RAB3IL1: variants seen among roughly 807,000 people sequenced by gnomAD.
The protein encoded by RAB3IL1 is guanine nucleotide exchange factor for Rab-3A.
A neutral mutation model predicts 49.2 loss-of-function variants in RAB3IL1; 37 were observed. The ratio of observed to expected loss-of-function variants is 0.75; its 90% confidence interval spans 0.58 to 0.99. RAB3IL1 has a LOEUF of 0.99. RAB3IL1 is among the 50% of genes least tolerant of loss of function. The probability of loss-of-function intolerance (pLI) is 0.00; values close to 1 mark genes in which losing one functional copy is unlikely to be tolerated. For missense variants in RAB3IL1, 484 were observed against 513.0 expected, an observed-to-expected ratio of 0.94 and a Z score of 0.55; for synonymous variants, 193 against 213.9, an observed-to-expected ratio of 0.90 and a Z score of 0.85.
chr11:61,940,031 C>T, the RAB3IL1 span, among the ~76,000 whole-genome samples: 1 of 151,412 alleles, frequency 6.6e-6, no homozygotes, highest in African/African-American at 2.4e-5. Context: ...GTAGTCCTAG[C>T]TACTGGGGAG....
chr11:61,917,329 G>GCGGGACCGCGAGCGCGCGCGGA (rs1939740146), intron 1 of RAB3IL1, 28 bp downstream of exon 1: 1 of 1,320,336 alleles, frequency 7.6e-7, no homozygotes, highest in Non-Finnish European at 9.7e-7. Context: ...CAGACCCAGC[G>GCGGGACCGCGAGCGCGCGCGGA]CGGGACCGCG....
At chr11:61,941,363 G>A in the RAB3IL1 span, among the ~76,000 whole-genome samples, 1 of 152,168 alleles carries the variant, frequency 6.6e-6, no homozygotes, top group Admixed American at 6.5e-5. Flanking sequence ...TCCACAAACT[G>A]TTCCAAAAAA....
intron 1 of RAB3IL1, among the ~76,000 whole-genome samples, chr11:61,914,012 C>G (rs2134350551): frequency 6.6e-6 from 1 of 152,304 alleles, no homozygotes; most frequent in South Asian, 2.1e-4. Context: ...CGGAGGGCTT[C>G]CAGGGAGCAG....
At chr11:61,922,886 C>A (rs1939937713), upstream of RAB3IL1, among the ~76,000 whole-genome samples, 1 of 152,216 alleles carries the variant, frequency 6.6e-6, no homozygotes, top group Non-Finnish European at 1.5e-5. Flanking sequence ...TCTCCTGTGC[C>A]CCCACCTTCC....
At chr11:61,942,704 T>C in the RAB3IL1 span, among the ~76,000 whole-genome samples, 1 of 152,152 alleles carries the variant, frequency 6.6e-6, no homozygotes, top group African/African-American at 2.4e-5. Context: ...TTTCCATACA[T>C]TAGCAATAAA....
chr11:61,944,334 T>C, the RAB3IL1 span, among the ~76,000 whole-genome samples: 1 of 151,532 alleles, frequency 6.6e-6, no homozygotes, highest in South Asian at 2.1e-4. Context: ...TGAGCTGGTG[T>C]GATCATAGCT....
At chr11:61,902,080 C>T (rs925977851) in intron 8 of RAB3IL1, among the ~76,000 whole-genome samples, 3 of 151,830 alleles carry the variant, frequency 2.0e-5, no homozygotes, top group East Asian at 1.9e-4. Context: ...TTTGGGAGGC[C>T]GAGGCAGGCA....
intron 5 of RAB3IL1, among the ~76,000 whole-genome samples, chr11:61,905,408 G>A (rs1939133281): frequency 6.6e-6 from 1 of 152,176 alleles, no homozygotes; most frequent in Non-Finnish European, 1.5e-5. Context: ...GGGAAAAGGA[G>A]GGAGAGGGAG....
chr11:61,910,001 C>T (rs890725074), intron 1 of RAB3IL1, among the ~76,000 whole-genome samples: 1 of 152,180 alleles, frequency 6.6e-6, no homozygotes, highest in Non-Finnish European at 1.5e-5. Context: ...GCCTGGGTGA[C>T]AGAGCGAAAC....
chr11:61,924,958 G>A (rs931723186), upstream of RAB3IL1, among the ~76,000 whole-genome samples: 1 of 152,206 alleles, frequency 6.6e-6, no homozygotes, highest in African/African-American at 2.4e-5. Context: ...AAACCTTCGG[G>A]GGGAAAACAT....
the RAB3IL1 span, among the ~76,000 whole-genome samples, chr11:61,934,959 A>C: frequency 6.6e-6 from 1 of 152,122 alleles, no homozygotes; most frequent in Non-Finnish European, 1.5e-5. Context: ...AAAACAAAAA[A>C]ATCCCAACAA....
intron 1 of RAB3IL1, among the ~76,000 whole-genome samples, chr11:61,911,265 TG>T (rs1565365317): frequency 6.6e-6 from 1 of 152,146 alleles, no homozygotes; most frequent in East Asian, 1.9e-4. Flanking sequence ...ATGGGAACAG[TG>T]GGACCACCCA....
the RAB3IL1 span, among the ~76,000 whole-genome samples, chr11:61,942,339 C>A: frequency 6.6e-6 from 1 of 152,222 alleles, no homozygotes; most frequent in African/African-American, 2.4e-5. Context: ...GCAGGGTCCT[C>A]TGCCTAGGAA....
At chr11:61,911,557 G>A (rs1485285495) in intron 1 of RAB3IL1, among the ~76,000 whole-genome samples, 1 of 152,186 alleles carries the variant, frequency 6.6e-6, no homozygotes, top group Non-Finnish European at 1.5e-5. Flanking sequence ...CAGTCGTGGG[G>A]CAAGCAGGGA....
chr11:61,931,913 T>C, the RAB3IL1 span, among the ~76,000 whole-genome samples: 1 of 151,954 alleles, frequency 6.6e-6, no homozygotes, highest in African/African-American at 2.4e-5. Context: ...AAGTAGAGAA[T>C]CAATTTAGAA....
At chr11:61,909,844 C>G (rs977304599) in intron 1 of RAB3IL1, among the ~76,000 whole-genome samples, 2 of 152,200 alleles carry the variant, frequency 1.3e-5, no homozygotes, top group Non-Finnish European at 2.9e-5. Context: ...CAGTGGCTCA[C>G]GCCTGTAATC....
chr11:61,921,511 C>T (rs1455965429), upstream of RAB3IL1, among the ~76,000 whole-genome samples: 1 of 152,144 alleles, frequency 6.6e-6, no homozygotes, highest in African/African-American at 2.4e-5. Flanking sequence ...GTTCATACCC[C>T]CTCCTCTAGG....
upstream of RAB3IL1, among the ~76,000 whole-genome samples, chr11:61,920,725 A>C (rs1286748007): frequency 6.6e-6 from 1 of 152,236 alleles, no homozygotes; most frequent in African/African-American, 2.4e-5. Flanking sequence ...GCAGTTCAAG[A>C]CCAGCCTGAC....
At chr11:61,943,385 T>G in the RAB3IL1 span, among the ~76,000 whole-genome samples, 1 of 152,196 alleles carries the variant, frequency 6.6e-6, no homozygotes, top group Non-Finnish European at 1.5e-5. Context: ...GATAGAAGTT[T>G]TAGAAGAAAA....
Sources: gnomAD v4.1 joint callset for allele counts (sites outside exome capture counted in the v4.1 genomes callset) on GRCh38, gnomAD v4.1.1 for gene constraint, MANE v1.5 for transcripts, NCBI Gene and HGNC (gene_info 2026-07-23, HGNC 2026-07-21) for gene names.